Variants in DYNLT5 observed in about 807,000 individuals in gnomAD.
DYNLT5 encodes dynein light chain Tctex-type family member 5.
Under a neutral mutation model 19.3 loss-of-function variants are expected in DYNLT5, and 25 were observed. The ratio of observed to expected loss-of-function variants is 1.30; its 90% CI spans 0.95 to 1.81. DYNLT5 has a LOEUF of 1.81. Among genes scored for constraint, DYNLT5 ranks in the 40% most tolerant of loss-of-function variants. The probability of loss-of-function intolerance (pLI) is 0.00; values close to 1 mark genes in which losing one functional copy is unlikely to be tolerated. For missense variants in DYNLT5, 232 were observed against 217.9 expected, an observed-to-expected ratio of 1.06 and a Z score of -0.41; for synonymous variants, 82 against 68.9, an observed-to-expected ratio of 1.19 and a Z score of -0.94.
rs758270587 is a variant in DYNLT5 at position 66,776,339 on chromosome 1, G to C, written c.272G>C (p.Ser91Thr). ...CATATTTTGAAAGATGTAGTAACCA[G>C]CTATCTACAAGTAGAAGAATATGAA... ...VNHILKDVVTSYLQVEEYEPE... is the reference protein window; with the variant it reads ...VNHILKDVVTTYLQVEEYEPE... Residue 91 changes from serine (S) to threonine (T), a missense_variant, in exon 4 of 5, where the codon AGC becomes ACC. Ser to Thr is a moderately conservative substitution (Grantham distance 58). Coordinates refer to ENST00000282670, the MANE Select transcript of DYNLT5 (RefSeq NM_152665.3). The C allele has an allele frequency of 1.2e-6, 2 of 1,613,438 alleles. No individual in the cohort carries two copies. The highest frequency in any genetic ancestry group is 1.7e-6 in the Non-Finnish European group (2 of 1,179,648).
intron 2 of DYNLT5, among the ~76,000 whole-genome samples, chr1:66,764,585 G>A (rs1383770839): frequency 6.6e-6 from 1 of 152,126 alleles, no homozygotes; most frequent in Admixed American, 6.5e-5. Flanking sequence ...AAATAACACT[G>A]ATCATCGCTC....
intron 1 of DYNLT5, 79 bp from the exon 2 acceptor site, chr1:66,754,577 T>G: frequency 1.4e-5 from 20 of 1,407,784 alleles, no homozygotes; most frequent in Non-Finnish European, 1.7e-5. Context: ...TCTGTGTACT[T>G]TGAGATTAGT....
At chr1:66,756,000 G>A (rs928300676) in intron 2 of DYNLT5, among the ~76,000 whole-genome samples, 1 of 152,026 alleles carries the variant, frequency 6.6e-6, no homozygotes. Context: ...ATTCCTATTT[G>A]CATGACTTTT....
intron 2 of DYNLT5, among the ~76,000 whole-genome samples, chr1:66,766,802 A>G (rs1440569301): frequency 6.6e-6 from 1 of 152,072 alleles, no homozygotes; most frequent in Non-Finnish European, 1.5e-5. Flanking sequence ...ATACTTTTTT[A>G]TGATGTTATA....
At chr1:66,763,248 C>T (rs7530784) in intron 2 of DYNLT5, among the ~76,000 whole-genome samples, 40,269 of 152,024 alleles carry the variant, frequency 0.26, 5,634 homozygotes, top group Non-Finnish European at 0.3. Context: ...GAAACTATGC[C>T]GTAAAACAGA....
At chr1:66,758,608 A>C (rs1232425892) in intron 2 of DYNLT5, among the ~76,000 whole-genome samples, 1 of 152,232 alleles carries the variant, frequency 6.6e-6, no homozygotes, top group Non-Finnish European at 1.5e-5. Context: ...TCATTTATTC[A>C]GGATTTATTA....
rs563506892 is a variant in DYNLT5, at chr1:66,778,465, C to G, written c.*1011C>G. 2.0e-5 allele frequency: 3 copies of G among 152,586 alleles called. No homozygotes were observed. The highest frequency in any genetic ancestry group is 4.4e-5 in the Non-Finnish European group (3 of 68,016). 9.5% of individuals were successfully genotyped at this position (152,586 alleles called of 1,614,324 possible). ...CCACGGATCATTTATTTTTATGAAGCTTTCAAGTCTTTGTGTGCAAGTAAA... is the reference window on the plus strand; with the variant it reads ...CCACGGATCATTTATTTTTATGAAGGTTTCAAGTCTTTGTGTGCAAGTAAA... On this transcript the variant is annotated 3_prime_UTR_variant, in exon 5 of 5. Transcript: ENST00000282670.
intron 2 of DYNLT5, among the ~76,000 whole-genome samples, chr1:66,761,415 G>C (rs1045025901): frequency 6.6e-6 from 1 of 152,234 alleles, no homozygotes; most frequent in Non-Finnish European, 1.5e-5. Flanking sequence ...GGAGGGCCTT[G>C]CCTCAGTGTT....
chr1:66,755,978 G>T (rs1018831727), intron 2 of DYNLT5, among the ~76,000 whole-genome samples: 6 of 152,062 alleles, frequency 3.9e-5, no homozygotes, highest in Admixed American at 6.6e-5. Flanking sequence ...TGTCTCCAAA[G>T]ATTAAATTGT....
intron 2 of DYNLT5, among the ~76,000 whole-genome samples, chr1:66,767,261 GT>G (rs1288831950): frequency 6.6e-6 from 1 of 151,714 alleles, no homozygotes; most frequent in Non-Finnish European, 1.5e-5. Flanking sequence ...TTTTTGTTTT[GT>G]TTTGTTTTTT....
intron 1 of DYNLT5, among the ~76,000 whole-genome samples, chr1:66,754,400 T>G (rs1422938813): frequency 6.6e-6 from 1 of 152,244 alleles, no homozygotes; most frequent in Non-Finnish European, 1.5e-5. Context: ...CAGCTAAGCA[T>G]TTTTGCTATA....
chr1:66,771,528 CAGA>C (rs1461570074), intron 3 of DYNLT5, among the ~76,000 whole-genome samples: 1 of 152,186 alleles, frequency 6.6e-6, no homozygotes, highest in Admixed American at 6.5e-5. Flanking sequence ...TGGCCTGTTG[CAGA>C]AGAACATAAA....
chr1:66,772,735 A>C (rs1167005082), intron 3 of DYNLT5, among the ~76,000 whole-genome samples: 1 of 152,248 alleles, frequency 6.6e-6, no homozygotes, highest in African/African-American at 2.4e-5. Context: ...GCTACAAAAA[A>C]TGAGATGAAA....
rs1645235016 is a variant in DYNLT5, at chr1:66,776,376, T to C, written c.309T>C (p.Cys103=). 1 of 1,606,014 alleles carries C rather than the reference T, an allele frequency of 6.2e-7. No individual in the cohort carries two copies. Among genetic ancestry groups the C allele is most frequent in the Non-Finnish European group, 8.5e-7 (1 of 1,175,708 alleles). The part of the protein sequence containing the change: ...LQVEEYEPEL[C]RQMTKTISEV... ...TAGAAGAATATGAACCAGAGCTCTG[T>C]AGACAGATGACTAAAACCATTTCTG... is the stretch of plus-strand genomic sequence containing the variant. Residue 103 remains cysteine, a synonymous_variant, in exon 4 of 5, where the codon TGT becomes TGC. Coordinates refer to ENST00000282670, the MANE Select transcript of DYNLT5 (RefSeq NM_152665.3).
chr1:66,767,251 T>TTTTTG lies in DYNLT5; in HGVS notation c.120-3121_120-3117dup, dbSNP rs944546072. ...TCCAAGTTTTATGGGTTTTTACTGG[T>TTTTTG]TTTTGTTTTGTTTTGTTTTTTGAGA... is the stretch of plus-strand genomic sequence containing the variant. On this transcript the variant is annotated intron_variant, in intron 2 of 4. Coordinates refer to ENST00000282670, the MANE Select transcript of DYNLT5 (RefSeq NM_152665.3). Among the ~76,000 whole-genome samples, 15 of 152,058 alleles carry TTTTTG rather than the reference T, an allele frequency of 9.9e-5. No homozygotes were observed. In the Middle Eastern group the frequency reaches 0.014, roughly 138 times the overall value.
At chr1:66,770,715 A>G (rs1383062412) in intron 3 of DYNLT5, 3 of 608,322 alleles carry the variant, frequency 4.9e-6, no homozygotes, top group Admixed American at 2.2e-5. Context: ...ACTGGGTGGC[A>G]CTGATGCATA....
At chr1:66,774,081 G>A (rs143433056) in intron 3 of DYNLT5, among the ~76,000 whole-genome samples, 245 of 152,096 alleles carry the variant, frequency 1.6e-3, no homozygotes, top group African/African-American at 5.7e-3. Context: ...GACATTGGTA[G>A]CACTGTACAA....
At chr1:66,776,659 T>C (rs777225127) in intron 4 of DYNLT5, among the ~76,000 whole-genome samples, 1 of 152,138 alleles carries the variant, frequency 6.6e-6, no homozygotes. Flanking sequence ...CTGCCCCATT[T>C]ATAAAAGTGT....
rs547054656 is a variant in DYNLT5 at position 66,752,490 on chromosome 1, G to A, written c.-98G>A. ...CAGGGAGAGTGCGCGGGCGGCCGCC[G>A]GCTGAATGAAGCCTGGGACGCGGGA... On this transcript the variant is annotated 5_prime_UTR_variant, in exon 1 of 5. Transcript: ENST00000282670. 5 of 985,420 alleles carry A rather than the reference G, an allele frequency of 5.1e-6. No individual in the cohort carries two copies. Among genetic ancestry groups the A allele is most frequent in the Admixed American group, 6.1e-5 (1 of 16,276 alleles). The allele number at this position is 985,420 out of a possible 1,614,324, so 61.0% of individuals were successfully genotyped here.
Sources: allele counts gnomAD v4.1 joint callset (sites outside exome capture counted in the v4.1 genomes callset), GRCh38; gene constraint gnomAD v4.1.1; transcripts MANE v1.5; gene names NCBI Gene and HGNC (gene_info 2026-07-23, HGNC 2026-07-21).